The following PAXIP1 variants were observed in gnomAD, a reference collection of about 807,000 sequenced individuals.
PAXIP1 encodes the protein PAX interacting protein 1, also known as PAX-interacting protein 1.
Under a neutral mutation model 140.6 loss-of-function variants are expected in PAXIP1, and 19 were observed. The observed-to-expected ratio is 0.14, with a 90% CI of 0.09 to 0.20. PAXIP1 has a LOEUF of 0.20. Among genes scored for constraint, PAXIP1 ranks in the 10% least tolerant of loss-of-function variants. PAXIP1 has a pLI of 1.00. For missense variants in PAXIP1, 920 were observed against 1,208.6 expected (o/e 0.76, Z 3.54); for synonymous variants, 442 against 444.6 (o/e 0.99, Z 0.07).
intron 2 of PAXIP1, among the ~76,000 whole-genome samples, chr7:154,996,799 T>C (rs1324919486): frequency 6.6e-6 from 1 of 152,226 alleles, no homozygotes; most frequent in Non-Finnish European, 1.5e-5. Flanking sequence ...TATCGATTCA[T>C]TTCTGGATAA....
chr7:154,993,893 A>G (rs1260050759), intron 2 of PAXIP1, 124 bp from the exon 3 acceptor site: 3 of 665,332 alleles, frequency 4.5e-6, no homozygotes, highest in East Asian at 2.8e-5. Context: ...CCAGATTACA[A>G]GTATGAATAT....
In PAXIP1 at chr7:154,992,124, T is replaced by A. The variant is rs1462163813; in HGVS notation, c.261-1055A>T. On this transcript the variant is annotated intron_variant, in intron 3 of 20. Transcript: ENST00000404141. Reference sequence around the variant, plus strand: ...TAAAGGCAAATCTCAGAGTGCACTGTCTACCAGTGAGTCTCCCAGGCTCCC... The same window carrying A: ...TAAAGGCAAATCTCAGAGTGCACTGACTACCAGTGAGTCTCCCAGGCTCCC... Among the ~76,000 whole-genome samples, 3 of 152,194 alleles carry A rather than the reference T, an allele frequency of 2.0e-5. No individual in the cohort carries two copies. The East Asian group carries it at 5.8e-4, about 29-fold the overall frequency.
At chr7:154,944,979 CTTCT>C (rs1282961214) in intron 20 of PAXIP1, 2 of 128,284 alleles carry the variant, frequency 1.6e-5, no homozygotes, top group African/African-American at 2.8e-5. Context: ...GCAAATTTTA[CTTCT>C]TTTTTTTTTT....
chr7:154,994,966 A>C (rs1400151161), intron 2 of PAXIP1, among the ~76,000 whole-genome samples: 1 of 152,200 alleles, frequency 6.6e-6, no homozygotes, highest in Non-Finnish European at 1.5e-5. Context: ...ATTTAAAAAA[A>C]TGGGCCAGCA....
chr7:154,991,255 T>C (rs1245195157), intron 3 of PAXIP1, among the ~76,000 whole-genome samples, 186 bp from the exon 4 acceptor site: 3 of 152,142 alleles, frequency 2.0e-5, no homozygotes, highest in Non-Finnish European at 4.4e-5. Context: ...AAGAACTGAG[T>C]GCTTTTCTGT....
At position 154,962,325 on chromosome 7, in the gene PAXIP1, T is replaced by C. The variant is rs777518480; in HGVS notation, c.2123A>G (p.Gln708Arg). The change falls in exon 10 of 21, where the codon CAG (glutamine) becomes CGG (arginine). Residue 708 changes from glutamine to arginine, a missense_variant. By Grantham distance (43) the Gln-to-Arg change is conservative. Transcript: ENST00000404141. ...AACGCGAGGACTCTGTCTTACATGCTGTGAACATGGCTTTCCTCCTGGTGG... is the reference window on the plus strand; with the variant it reads ...AACGCGAGGACTCTGTCTTACATGCCGTGAACATGGCTTTCCTCCTGGTGG... Reference protein sequence around the residue: ...AFPPGGKPCSQHIISVTGFVD... With the variant: ...AFPPGGKPCSRHIISVTGFVD... 2.5e-6 allele frequency: 4 copies of C among 1,613,830 alleles called. No individual in the cohort carries two copies. In the South Asian group the frequency reaches 4.4e-5, roughly 18 times the overall value.
At position 154,957,230 on chromosome 7, in the gene PAXIP1, C is replaced by T; in HGVS notation, c.2543G>A (p.Arg848Lys). 1 of 1,600,006 alleles carries T rather than the reference C, an allele frequency of 6.2e-7. No individual in the cohort carries two copies. The highest frequency in any genetic ancestry group is 8.6e-7 in the Non-Finnish European group (1 of 1,169,348). ...TTAAGGTTATTACTCATACCTGGCT[C>T]TTTTGGAAGAAGGCTGGACATTAGC... The part of the protein sequence containing the change: ...EVANVQPSSK[R>K]ARIEDVPPPT... The change falls in exon 14 of 21, where the codon AGA (arginine) becomes AAA (lysine). Residue 848 changes from arginine (R) to lysine (K), a missense_variant. Arg to Lys is a conservative substitution (Grantham distance 26). Transcript: ENST00000404141.
chr7:154,951,942 C>G (rs930283520), intron 16 of PAXIP1: 2 of 152,188 alleles, frequency 1.3e-5, no homozygotes, highest in African/African-American at 4.8e-5. Flanking sequence ...TTCCCCACCA[C>G]CCAAGCTGGT....
At chr7:154,972,229 A>G (rs1809362873) in intron 6 of PAXIP1, among the ~76,000 whole-genome samples, 1 of 152,246 alleles carries the variant, frequency 6.6e-6, no homozygotes, top group Non-Finnish European at 1.5e-5. Context: ...GCTCACACCT[A>G]TAATCCCAGC....
intron 16 of PAXIP1, chr7:154,950,225 A>T (rs910409936): frequency 2.0e-5 from 3 of 152,242 alleles, no homozygotes; most frequent in African/African-American, 7.2e-5. Context: ...CTGCACATCC[A>T]TATGCAATAA....
chr7:154,993,499 C>T (rs998758728), intron 3 of PAXIP1, among the ~76,000 whole-genome samples: 3 of 152,108 alleles, frequency 2.0e-5, no homozygotes, highest in Non-Finnish European at 2.9e-5. Flanking sequence ...CTCCAGTTCC[C>T]GGCCTAGAGT....
At chr7:154,962,197 A>G in intron 10 of PAXIP1, 124 bp downstream of exon 10, 1 of 1,012,610 alleles carries the variant, frequency 9.9e-7, no homozygotes. Context: ...TGAACTGGGC[A>G]AAAGTACATA....
chr7:154,950,007 A>T (rs1340617935), intron 16 of PAXIP1: 1 of 152,228 alleles, frequency 6.6e-6, no homozygotes, highest in Non-Finnish European at 1.5e-5. Flanking sequence ...AAACAGGGTT[A>T]TGTTACCTTA....
chr7:154,985,995 T>C (rs774981916), intron 4 of PAXIP1: 1 of 1,363,812 alleles, frequency 7.3e-7, no homozygotes, highest in Non-Finnish European at 9.8e-7. Context: ...ATTACACTCT[T>C]GACCTATTCC....
In PAXIP1 at chr7:154,986,983, C is replaced by T. The variant is rs952860617; in HGVS notation, c.325-3651G>A. On this transcript the variant is annotated intron_variant, in intron 4 of 20. Transcript: ENST00000404141. This position sits in a 1 kb window ranked among gnomAD's most constrained non-coding sequence, Gnocchi z 4.8. Reference sequence around the variant, plus strand: ...AGTTTAGCACCAAGGTAAAATTGGACCTTTCACCTGACAGTGGGTGAGCAG... The same window carrying T: ...AGTTTAGCACCAAGGTAAAATTGGATCTTTCACCTGACAGTGGGTGAGCAG... Among the ~76,000 whole-genome samples, 2 of 152,206 alleles carry T rather than the reference C, an allele frequency of 1.3e-5. No homozygotes were observed. The highest frequency in any genetic ancestry group is 4.8e-5 in the African/African-American group (2 of 41,454).
chr7:154,947,719 T>C (rs570655326), intron 17 of PAXIP1, 184 bp downstream of exon 17: 5 of 588,748 alleles, frequency 8.5e-6, no homozygotes, highest in African/African-American at 3.7e-5. Context: ...AGAGATGTGC[T>C]GTGGTTCACA....
At chr7:154,994,074 C>T (rs951542100) in intron 2 of PAXIP1, among the ~76,000 whole-genome samples, 1 of 152,002 alleles carries the variant, frequency 6.6e-6, no homozygotes, top group Admixed American at 6.6e-5. Flanking sequence ...GAACTGCCAC[C>T]CATCCTGCCC....
Position 154,976,179 on chromosome 7 carries a change from CTCTTCCTCTTCCTCT to C in PAXIP1, c.576_590del (p.Glu196_Glu200del), listed in dbSNP as rs778902983. On this transcript the variant is annotated inframe_deletion, in exon 6 of 21. Coordinates refer to ENST00000404141, the MANE Select transcript of PAXIP1 (RefSeq NM_007349.4). Reference sequence around the variant, plus strand: ...GTTCCTCATTTTCTACTTCCTCCTCCTCTTCCTCTTCCTCTTCTTCCTCTTCATAAATAATCAGAC... The same window carrying C: ...GTTCCTCATTTTCTACTTCCTCCTCCTCTTCCTCTTCATAAATAATCAGAC... 2.5e-6 allele frequency: 4 copies of C among 1,604,520 alleles called. No individual in the cohort carries two copies. Among genetic ancestry groups the C allele is most frequent in the East Asian group, 4.5e-5 (2 of 44,732 alleles).
chr7:154,968,972 T>C lies in PAXIP1; in HGVS notation c.1229A>G (p.Gln410Arg), dbSNP rs1809169486. 4 of 1,544,896 alleles carry C rather than the reference T, an allele frequency of 2.6e-6. No homozygotes were observed. The highest frequency in any genetic ancestry group is 1.2e-5 in the South Asian group (1 of 83,468). ...GTGTAAAACCGGGTGCTGCTGCTGC[T>C]GCTGCTGGGCCTGCTGCTGCTGCTG... Reference protein sequence around the residue: ...MLQQQQQAQQQQQQHPVLHLQ... With the variant: ...MLQQQQQAQQRQQQHPVLHLQ... The change falls in exon 7 of 21, where the codon CAG (glutamine) becomes CGG (arginine). Residue 410 changes from glutamine to arginine, a missense_variant. Coordinates refer to ENST00000404141, the MANE Select transcript of PAXIP1 (RefSeq NM_007349.4).
Sources: gnomAD v4.1 joint callset for allele counts (sites outside exome capture counted in the v4.1 genomes callset) on GRCh38, gnomAD v4.1.1 for gene constraint, Gnocchi (gnomAD v3.1) non-coding constraint, MANE v1.5 for transcripts, NCBI Gene and HGNC (gene_info 2026-07-23, HGNC 2026-07-21) for gene names.